Variants in RAD51C observed in about 807,000 individuals in gnomAD.
RAD51C encodes the protein DNA repair protein RAD51 homolog 3.
In RAD51C, 42 loss-of-function variants were observed where a neutral mutation model predicts 45.0. The ratio of observed to expected loss-of-function variants is 0.93; its 90% CI spans 0.73 to 1.21. The LOEUF is 1.21. Among genes scored for constraint, RAD51C ranks in the 50% most tolerant of loss-of-function variants. RAD51C has a pLI of 0.00. For missense variants in RAD51C, 474 were observed against 452.2 expected (o/e 1.05, Z -0.44); for synonymous variants, 172 against 159.8 (o/e 1.08, Z -0.58).
chr17:58,735,411 G>C lies in RAD51C; in HGVS notation c.*1189G>C, dbSNP rs1334417737. 1 of 152,122 alleles carries C rather than the reference G, an allele frequency of 6.6e-6. No homozygotes were observed. Among genetic ancestry groups the C allele is most frequent in the Non-Finnish European group, 1.5e-5 (1 of 68,122 alleles). 9.4% of individuals were successfully genotyped at this position (152,122 alleles called of 1,614,324 possible). A position where few individuals can be genotyped will look rare whatever the true frequency, so the allele number is the denominator to read the frequency against. ...AAGGTCTCACTATGTTGCCCAGGCT[G>C]GTCTCAAACTCCTGGTCTCAAGCGA... On this transcript the variant is annotated 3_prime_UTR_variant, in exon 9 of 9. Coordinates refer to ENST00000337432, the MANE Select transcript of RAD51C (RefSeq NM_058216.3).
intron 6 of RAD51C, 68 bp downstream of exon 6, chr17:58,720,880 A>G (rs74453064): frequency 7.2e-5 from 92 of 1,280,448 alleles, no homozygotes; most frequent in Non-Finnish European, 9.4e-5. Context: ...TTTGATTCTC[A>G]TTGAGTACTA....
intron 7 of RAD51C, among the ~76,000 whole-genome samples, chr17:58,727,041 C>T (rs1484485195): frequency 2.0e-5 from 3 of 151,350 alleles, no homozygotes; most frequent in African/African-American, 4.9e-5. Flanking sequence ...AGGATGGTCT[C>T]GATCTTCTGA....
chr17:58,700,657 G>A (rs1197946979), intron 3 of RAD51C, among the ~76,000 whole-genome samples: 3 of 151,760 alleles, frequency 2.0e-5, no homozygotes, highest in East Asian at 3.9e-4. Context: ...AGCCAGGATG[G>A]TCTCGATCTC....
rs562349220 is a variant in RAD51C, at chr17:58,734,348, T to A, written c.*126T>A. On this transcript the variant is annotated 3_prime_UTR_variant, in exon 9 of 9. Coordinates refer to ENST00000337432, the MANE Select transcript of RAD51C (RefSeq NM_058216.3). ...ATGAATGAATCCAGATCATATGAAG[T>A]GAATGGGAAAAATACCTAAATATGA... 2.7e-6 allele frequency: 4 copies of A among 1,473,072 alleles called. No individual in the cohort carries two copies. The highest frequency in any genetic ancestry group is 3.7e-6 in the Non-Finnish European group (4 of 1,094,516). The allele number at this position is 1,473,072 out of a possible 1,614,324, so 91.3% of individuals were successfully genotyped here. A position where few individuals can be genotyped will look rare whatever the true frequency, so the allele number is the denominator to read the frequency against.
chr17:58,724,196 A>G (rs2049029638), intron 7 of RAD51C, 96 bp downstream of exon 7: 1 of 1,192,980 alleles, frequency 8.4e-7, no homozygotes, highest in Non-Finnish European at 1.2e-6. Context: ...TGGATGAGAT[A>G]TACAGTGACC....
intron 3 of RAD51C, chr17:58,699,866 T>C (rs2048150567): frequency 6.6e-6 from 1 of 152,208 alleles, no homozygotes; most frequent in African/African-American, 2.4e-5. Context: ...TCTTTTTTTT[T>C]TGAGACAGAA....
intron 7 of RAD51C, among the ~76,000 whole-genome samples, chr17:58,728,561 CTAATTTTTG>C (rs1344243842): frequency 6.6e-6 from 1 of 151,774 alleles, no homozygotes; most frequent in Non-Finnish European, 1.5e-5. Context: ...CCACACCCAG[CTAATTTTTG>C]TAATTTTTGT....
Position 58,719,319 on chromosome 17 carries a change from TCTC to T in RAD51C, c.838-1424_838-1422del, listed in dbSNP as rs373827932. 8.6e-3 allele frequency among the ~76,000 whole-genome samples: 1,300 copies of T among 151,822 alleles called. 19 individuals carry two copies. The highest frequency in any genetic ancestry group is 0.029 in the African/African-American group (1,212 of 41,432). On this transcript the variant is annotated intron_variant, in intron 5 of 8. Coordinates refer to ENST00000337432, the MANE Select transcript of RAD51C (RefSeq NM_058216.3). ...CTTCAACCTCCTGGGCTCAACCAATTCTCCTGCCTCAGCCTCCTGAGTAGCTGG... is the reference window on the plus strand; with the variant it reads ...CTTCAACCTCCTGGGCTCAACCAATTCTGCCTCAGCCTCCTGAGTAGCTGG...
At chr17:58,704,449 T>A (rs1287655494) in intron 4 of RAD51C, among the ~76,000 whole-genome samples, 1 of 151,906 alleles carries the variant, frequency 6.6e-6, no homozygotes, top group African/African-American at 2.4e-5. Flanking sequence ...ATTTTTTTTT[T>A]TTTTTATATT....
chr17:58,701,632 G>C (rs536856139), intron 3 of RAD51C, among the ~76,000 whole-genome samples: 26 of 150,692 alleles, frequency 1.7e-4, no homozygotes, highest in African/African-American at 6.3e-4. Flanking sequence ...GTGCAGTGGC[G>C]GGATCTCAGC....
chr17:58,730,375 C>T (rs2049372803), intron 7 of RAD51C, among the ~76,000 whole-genome samples: 1 of 142,342 alleles, frequency 7.0e-6, no homozygotes. Context: ...ATGGGGGTTT[C>T]ACCGTGTTGG....
chr17:58,710,542 C>T (rs1363837509), intron 5 of RAD51C, among the ~76,000 whole-genome samples: 1 of 150,880 alleles, frequency 6.6e-6, no homozygotes, highest in Non-Finnish European at 1.5e-5. Flanking sequence ...AGAAATGCCA[C>T]CTTTGTTAAT....
intron 2 of RAD51C, chr17:58,695,408 C>T: frequency 1.6e-6 from 2 of 1,252,916 alleles, no homozygotes; most frequent in Non-Finnish European, 2.1e-6. Flanking sequence ...GTTTCTTTTG[C>T]AAATTGTACT....
At chr17:58,720,643 T>TTG (rs1343174283) in intron 5 of RAD51C, 103 bp from the exon 6 acceptor site, 1 of 843,748 alleles carries the variant, frequency 1.2e-6, no homozygotes, top group East Asian at 2.7e-5. Flanking sequence ...TGGTTAATTT[T>TTG]TGTATTTTTA....
At chr17:58,712,333 A>T (rs541072638) in intron 5 of RAD51C, among the ~76,000 whole-genome samples, 1 of 139,378 alleles carries the variant, frequency 7.2e-6, no homozygotes, top group South Asian at 2.4e-4. Context: ...CGAGAGAGCA[A>T]CACTCCATCT....
At chr17:58,712,509 C>T (rs1193701514) in intron 5 of RAD51C, among the ~76,000 whole-genome samples, 6 of 152,102 alleles carry the variant, frequency 3.9e-5, no homozygotes, top group Admixed American at 2.6e-4. Flanking sequence ...CATGCATATA[C>T]AAACTTACGT....
intron 5 of RAD51C, among the ~76,000 whole-genome samples, chr17:58,713,185 T>C (rs1465892233): frequency 6.6e-6 from 1 of 152,096 alleles, no homozygotes; most frequent in African/African-American, 2.4e-5. Context: ...TGCAAAGCAG[T>C]TTTCTGTTTT....
At chr17:58,714,189 T>G (rs1411091663) in intron 5 of RAD51C, among the ~76,000 whole-genome samples, 2 of 152,102 alleles carry the variant, frequency 1.3e-5, no homozygotes, top group Non-Finnish European at 2.9e-5. Context: ...TTCACCATGT[T>G]GGCCAGGCTG....
At chr17:58,726,477 T>C (rs1239822340) in intron 7 of RAD51C, among the ~76,000 whole-genome samples, 1 of 121,858 alleles carries the variant, frequency 8.2e-6, no homozygotes, top group Non-Finnish European at 2.0e-5. Flanking sequence ...TGTATACGTA[T>C]AGATGTATAT....
Sources: gnomAD v4.1 joint callset for allele counts (sites outside exome capture counted in the v4.1 genomes callset) on GRCh38, gnomAD v4.1.1 for gene constraint, MANE v1.5 for transcripts, NCBI Gene and HGNC (gene_info 2026-07-23, HGNC 2026-07-21) for gene names.